Variants in GPC4 observed in about 807,000 individuals in gnomAD.
GPC4 encodes glypican 4.
A neutral mutation model predicts 35.0 loss-of-function variants in GPC4; 10 were observed. The ratio of observed to expected loss-of-function variants is 0.29; its 90% CI spans 0.18 to 0.48. The LOEUF is 0.48. Ranked by LOEUF, GPC4 falls within the 20% of genes least tolerant of loss-of-function variation. The probability of loss-of-function intolerance (pLI) is 0.99; values close to 1 mark genes in which losing one functional copy is unlikely to be tolerated. For synonymous variants in GPC4, 167 were observed against 170.2 expected, an observed-to-expected ratio of 0.98 and a Z score of 0.15; for missense variants, 322 against 451.3, an observed-to-expected ratio of 0.71 and a Z score of 2.60.
intron 1 of GPC4, among the ~76,000 whole-genome samples, chrX:133,379,344 T>C (rs1224514380): frequency 8.9e-6 from 1 of 112,380 alleles, no homozygotes; most frequent in Non-Finnish European, 1.9e-5. Context: ...ATTCCATTTA[T>C]ATGAAATGTC....
At chrX:133,352,932 G>A (rs2124144770) in intron 1 of GPC4, among the ~76,000 whole-genome samples, 1 of 111,823 alleles carries the variant, frequency 8.9e-6, no homozygotes, top group South Asian at 3.8e-4. Context: ...CAGATCTTAG[G>A]TGCTATATTA....
At chrX:133,314,686 G>A (rs2068329038) in intron 3 of GPC4, among the ~76,000 whole-genome samples, 1 of 111,918 alleles carries the variant, frequency 8.9e-6, no homozygotes, top group South Asian at 3.7e-4. Context: ...TCTGTCTTTT[G>A]TCTCATAACC....
At chrX:133,407,282 A>G (rs1181638200) in intron 1 of GPC4, among the ~76,000 whole-genome samples, 2 of 111,008 alleles carry the variant, frequency 1.8e-5, no homozygotes, top group African/African-American at 6.6e-5. Flanking sequence ...AAGGTATTTG[A>G]CAACAAATTT....
At position 133,384,345 on chromosome X, in the gene GPC4, T is replaced by C. The variant is rs903070318; in HGVS notation, c.160+30461A>G. Reference sequence around the variant, plus strand: ...CATACCCTGTTGTTAAAACCTGCAGTGAATTAAAGTCATTTCTTAAAAAAA... The same window carrying C: ...CATACCCTGTTGTTAAAACCTGCAGCGAATTAAAGTCATTTCTTAAAAAAA... On this transcript the variant is annotated intron_variant, in intron 1 of 8. Coordinates refer to ENST00000370828, the MANE Select transcript of GPC4 (RefSeq NM_001448.3). 4.5e-5 allele frequency among the ~76,000 whole-genome samples: 5 copies of C among 110,148 alleles called. No individual in the cohort carries two copies. In the Admixed American group the frequency reaches 4.9e-4, roughly 11 times the overall value.
At chrX:133,398,484 C>T (rs1246659124) in intron 1 of GPC4, among the ~76,000 whole-genome samples, 1 of 111,593 alleles carries the variant, frequency 9.0e-6, no homozygotes, top group Non-Finnish European at 1.9e-5. Flanking sequence ...TAGGGATCTA[C>T]TGGCCAGGCC....
At chrX:133,366,028 C>G (rs1463650314) in intron 1 of GPC4, among the ~76,000 whole-genome samples, 8 of 112,078 alleles carry the variant, frequency 7.1e-5, no homozygotes, top group Non-Finnish European at 1.5e-4. Context: ...TATAACACTA[C>G]AGCAGAACAT....
intron 4 of GPC4, among the ~76,000 whole-genome samples, chrX:133,307,548 G>A (rs777231829): frequency 1.8e-5 from 2 of 111,781 alleles, no homozygotes; most frequent in Admixed American, 1.9e-4. Context: ...CTAAGTAAGG[G>A]CTGAAAGCAT....
rs774050956 is a variant in GPC4 at position 133,304,671 on chromosome X, TCA to T, written c.1292+52_1292+53del. 45 of 1,187,693 alleles carry T rather than the reference TCA, an allele frequency of 3.8e-5. No individual in the cohort carries two copies. The African/African-American group carries it at 5.3e-4, about 14-fold the overall frequency. Reference sequence around the variant, plus strand: ...CAATTGAGAGAACCCTCTCTGAAGGTCACCCAGGCATCTAGGAAGGGAGAAAC... The same window carrying T: ...CAATTGAGAGAACCCTCTCTGAAGGTCCCAGGCATCTAGGAAGGGAGAAAC... On this transcript the variant is annotated intron_variant, in intron 7 of 8. Transcript: ENST00000370828.
intron 3 of GPC4, 101 bp from the exon 4 acceptor site, chrX:133,311,524 G>T: frequency 1.3e-6 from 1 of 779,583 alleles, no homozygotes; most frequent in Non-Finnish European, 1.9e-6. Flanking sequence ...ATGAACTTAA[G>T]AATGAGTTGT....
At chrX:133,342,181 C>T (rs1489292103) in intron 1 of GPC4, among the ~76,000 whole-genome samples, 1 of 108,263 alleles carries the variant, frequency 9.2e-6, no homozygotes, top group African/African-American at 3.4e-5. Flanking sequence ...GGATTACAGG[C>T]GTGCACCACC....
intron 1 of GPC4, among the ~76,000 whole-genome samples, chrX:133,390,835 G>A (rs1168351858): frequency 9.0e-6 from 1 of 111,361 alleles, no homozygotes. Flanking sequence ...AGACCTTGAT[G>A]TGCTCACTTG....
At chrX:133,354,316 T>C (rs1472819572) in intron 1 of GPC4, among the ~76,000 whole-genome samples, 1 of 112,310 alleles carries the variant, frequency 8.9e-6, no homozygotes, top group Non-Finnish European at 1.9e-5. Flanking sequence ...GAGGCAACTG[T>C]TTTTTAAACT....
In GPC4 at chrX:133,302,744, C is replaced by A. The variant is rs2068271891; in HGVS notation, c.*123G>T. The stretch of plus-strand genomic sequence containing the variant: ...AGTCAGCACTTCTTAAACCAGTGGC[C>A]ACATAGTAAAAACTGTACATTGTTG... On this transcript the variant is annotated 3_prime_UTR_variant, in exon 9 of 9. Coordinates refer to ENST00000370828, the MANE Select transcript of GPC4 (RefSeq NM_001448.3). The A allele has an allele frequency of 1.6e-6, 1 of 622,452 alleles. No individual in the cohort carries two copies. Among genetic ancestry groups the A allele is most frequent in the Non-Finnish European group, 2.5e-6 (1 of 403,908 alleles). The allele number at this position is 622,452 out of a possible 1,213,427, so 51.3% of individuals were successfully genotyped here. A position where few individuals can be genotyped will look rare whatever the true frequency, so the allele number is the denominator to read the frequency against.
chrX:133,391,175 T>C (rs910681991), intron 1 of GPC4, among the ~76,000 whole-genome samples: 1 of 112,240 alleles, frequency 8.9e-6, no homozygotes, highest in East Asian at 2.8e-4. Flanking sequence ...CCTACGCTTA[T>C]GAGTTTGAGA....
intron 1 of GPC4, among the ~76,000 whole-genome samples, chrX:133,366,083 C>A (rs1045590033): frequency 8.9e-6 from 1 of 111,798 alleles, no homozygotes; most frequent in Admixed American, 9.5e-5. Flanking sequence ...GCAGCCTTCC[C>A]AAGTCCTTAT....
At chrX:133,377,877 C>CTTTTTTTTTTCTTTTTTTTTTTT (rs2068641616) in intron 1 of GPC4, among the ~76,000 whole-genome samples, 2 of 86,190 alleles carry the variant, frequency 2.3e-5, no homozygotes, top group Non-Finnish European at 4.5e-5. Flanking sequence ...TTTTCTTTTT[C>CTTTTTTTTTTCTTTTTTTTTTTT]TTTTTTTTTT....
chrX:133,397,326 G>A (rs992836729), intron 1 of GPC4, among the ~76,000 whole-genome samples: 15 of 111,516 alleles, frequency 1.3e-4, no homozygotes, highest in East Asian at 5.7e-4. Context: ...TTGGGAAGCC[G>A]AGGCAGGCAG....
intron 1 of GPC4, among the ~76,000 whole-genome samples, chrX:133,367,859 C>T (rs2068596643): frequency 8.9e-6 from 1 of 111,975 alleles, no homozygotes. Flanking sequence ...CAAAGCCAGA[C>T]CAGACTCTGT....
chrX:133,331,579 C>T (rs2068420334), intron 2 of GPC4, among the ~76,000 whole-genome samples: 1 of 110,945 alleles, frequency 9.0e-6, no homozygotes, highest in Admixed American at 9.6e-5. Context: ...CGAGACCAGC[C>T]TGACCAATAT....
Sources: allele counts gnomAD v4.1 joint callset (sites outside exome capture counted in the v4.1 genomes callset), GRCh38; gene constraint gnomAD v4.1.1; transcripts MANE v1.5; gene names NCBI Gene and HGNC (gene_info 2026-07-23, HGNC 2026-07-21).